PCDHGA11: variants seen among roughly 807,000 people sequenced by gnomAD.
PCDHGA11 encodes protocadherin gamma-A11.
In PCDHGA11, 39 loss-of-function variants were observed where a neutral mutation model predicts 60.4. The observed-to-expected ratio is 0.65, with a 90% confidence interval of 0.50 to 0.84. The LOEUF (loss-of-function observed/expected upper bound fraction) is 0.84, where lower values mean the gene tolerates loss of function less well. PCDHGA11 is among the 40% of genes least tolerant of loss of function. The pLI, the probability that PCDHGA11 is intolerant of heterozygous loss-of-function variation, is 0.00. For missense variants in PCDHGA11, 1,165 were observed against 1,197.7 expected, an observed-to-expected ratio of 0.97 and a Z score of 0.40; for synonymous variants, 533 against 510.3, an observed-to-expected ratio of 1.04 and a Z score of -0.60.
rs1232672788 is a variant in PCDHGA11, at chr5:141,431,315, G to A, written c.2433+7655G>A. The A allele has an allele frequency of 6.2e-7, 1 of 1,614,080 alleles. No individual in the cohort carries two copies. Among genetic ancestry groups the A allele is most frequent in the South Asian group, 1.1e-5 (1 of 91,078 alleles). On this transcript the variant is annotated intron_variant, in intron 1 of 3. Coordinates refer to ENST00000398587, the MANE Select transcript of PCDHGA11 (RefSeq NM_018914.3). The surrounding 1 kb of genome is among the most constrained non-coding windows in gnomAD (Gnocchi z 4.8). ...CTTCTCCCTCATCGTGCAAAATGGAGCCGACGGTAGTAAGTACCCCGAATT... is the reference window on the plus strand; with the variant it reads ...CTTCTCCCTCATCGTGCAAAATGGAACCGACGGTAGTAAGTACCCCGAATT...
At chr5:141,500,877 A>ATT (rs369345007) in intron 2 of PCDHGA11, among the ~76,000 whole-genome samples, 3 of 122,284 alleles carry the variant, frequency 2.5e-5, no homozygotes, top group Admixed American at 2.4e-4. Flanking sequence ...TTCATTTACA[A>ATT]TTTTTTTTTT....
chr5:141,478,851 C>T, intron 1 of PCDHGA11: 1 of 1,374,810 alleles, frequency 7.3e-7, no homozygotes, highest in Non-Finnish European at 9.6e-7. Context: ...AGCTAAAACA[C>T]AAGATCTCAG....
chr5:141,427,547 T>C (rs747558888), intron 1 of PCDHGA11: 1 of 640,310 alleles, frequency 1.6e-6, no homozygotes, highest in South Asian at 1.5e-5. Flanking sequence ...TCACCATCAC[T>C]GCCACTGACA....
At chr5:141,460,666 C>G (rs1245201344) in intron 1 of PCDHGA11, among the ~76,000 whole-genome samples, 1 of 151,670 alleles carries the variant, frequency 6.6e-6, no homozygotes, top group South Asian at 2.1e-4. Context: ...ACTGTAAACA[C>G]AGTTATATAT....
chr5:141,480,407 C>T (rs906445993), intron 1 of PCDHGA11, among the ~76,000 whole-genome samples: 1 of 139,782 alleles, frequency 7.2e-6, no homozygotes, highest in Admixed American at 7.0e-5. Context: ...AGAGTGAGAC[C>T]CTGTCTCAAA....
intron 1 of PCDHGA11, among the ~76,000 whole-genome samples, chr5:141,436,896 A>C (rs567359498): frequency 6.6e-6 from 1 of 152,368 alleles, no homozygotes; most frequent in East Asian, 1.9e-4. Context: ...AAAGATTTTT[A>C]TATGAGACAA....
chr5:141,503,773 C>A (rs961986223), intron 2 of PCDHGA11, among the ~76,000 whole-genome samples: 1 of 152,204 alleles, frequency 6.6e-6, no homozygotes. Context: ...TGTGTCTGTT[C>A]TTAGGCTGAG....
chr5:141,447,433 C>G (rs756021616), intron 1 of PCDHGA11, among the ~76,000 whole-genome samples: 1 of 152,118 alleles, frequency 6.6e-6, no homozygotes. Context: ...CCACCGCACC[C>G]GGAGGAAATT....
In PCDHGA11 at chr5:141,423,091, G is replaced by A. The variant is rs1243671863; in HGVS notation, c.1864G>A (p.Glu622Lys). The A allele has an allele frequency of 6.2e-7, 1 of 1,613,908 alleles. No individual in the cohort carries two copies. The highest frequency in any genetic ancestry group is 8.5e-7 in the Non-Finnish European group (1 of 1,180,016). The change falls in exon 1 of 4, where the codon GAG becomes AAG. Residue 622 changes from glutamate (E) to lysine (K), a missense_variant. Coordinates refer to ENST00000398587, the MANE Select transcript of PCDHGA11 (RefSeq NM_018914.3). ...ASEPGLFAVG[E>K]HTGEVRTARA... is the part of the protein sequence containing the mutation. The stretch of plus-strand genomic sequence containing the variant: ...CGAGCCGGGACTCTTCGCGGTGGGG[G>A]AGCACACGGGCGAGGTGCGTACAGC...
intron 1 of PCDHGA11, among the ~76,000 whole-genome samples, chr5:141,467,087 C>T (rs1159093881): frequency 3.4e-5 from 5 of 147,240 alleles, no homozygotes; most frequent in African/African-American, 1.3e-4. Context: ...AAGTCTCACT[C>T]TGTCACACAG....
intron 3 of PCDHGA11, among the ~76,000 whole-genome samples, chr5:141,507,571 G>A (rs2099861692): frequency 6.6e-6 from 1 of 152,254 alleles, no homozygotes; most frequent in Non-Finnish European, 1.5e-5. Flanking sequence ...TGGGTCTGAG[G>A]AGATGCCAAG....
In PCDHGA11 at chr5:141,421,766, C is replaced by T; in HGVS notation, c.539C>T (p.Ser180Phe). 1.2e-6 allele frequency: 2 copies of T among 1,613,868 alleles called. No individual in the cohort carries two copies. The highest frequency in any genetic ancestry group is 1.1e-5 in the South Asian group (1 of 91,072). Residue 180 changes from serine (S) to phenylalanine (F), a missense_variant, in exon 1 of 4, where the codon TCC (serine) becomes TTC (phenylalanine). Physicochemically the swap from Ser to Phe is radical, Grantham distance 155. Coordinates refer to ENST00000398587, the MANE Select transcript of PCDHGA11 (RefSeq NM_018914.3). ...SYQLSPNNYF[S>F]LQLRGRTDGA... ...CAGCTCAGCCCTAATAATTACTTTT[C>T]CTTGCAACTGCGGGGCAGAACGGAT...
rs117064561 is a variant in PCDHGA11, at chr5:141,470,737, G to T, written c.2434-24070G>T. Among the ~76,000 whole-genome samples the T allele has an allele frequency of 1.9e-3, 295 of 152,132 alleles. 7 individuals carry two copies. In the East Asian group the frequency reaches 0.046, roughly 24 times the overall value. On this transcript the variant is annotated intron_variant, in intron 1 of 3. Coordinates refer to ENST00000398587, the MANE Select transcript of PCDHGA11 (RefSeq NM_018914.3). ...TTTTGAGTCAGGGTCTTGCTCTGTC[G>T]CCCTGGCTGGAGTGCAGTGGACTCA...
intron 1 of PCDHGA11, among the ~76,000 whole-genome samples, chr5:141,474,747 A>AGACAAATAT (rs1447050692): frequency 6.6e-6 from 1 of 152,264 alleles, no homozygotes; most frequent in African/African-American, 2.4e-5. Context: ...GTGATGTCCA[A>AGACAAATAT]GACAAATATA....
At chr5:141,494,999 G>T in intron 2 of PCDHGA11, 134 bp downstream of exon 2, 1 of 1,531,046 alleles carries the variant, frequency 6.5e-7, no homozygotes, top group Non-Finnish European at 8.8e-7. Context: ...GGGAGGTCTT[G>T]GTGTGCGGGG....
chr5:141,444,152 A>ATTTTTTTTT (rs747671382), intron 1 of PCDHGA11, among the ~76,000 whole-genome samples: 2 of 33,898 alleles, frequency 5.9e-5, no homozygotes, highest in Non-Finnish European at 5.2e-5. Context: ...TGTGTACTGG[A>ATTTTTTTTT]TTTTTTTTTT....
rs775081505 is a variant in PCDHGA11 at position 141,486,730 on chromosome 5, T to C, written c.2434-8077T>C. ...ACCCCCAGACAGGAGCTGTTCATGC[T>C]ACTCGATCCTTTGACTATGAGCAAA... On this transcript the variant is annotated intron_variant, in intron 1 of 3. Coordinates refer to ENST00000398587, the MANE Select transcript of PCDHGA11 (RefSeq NM_018914.3). This position sits in a 1 kb window ranked among gnomAD's most constrained non-coding sequence, Gnocchi z 5.0. 1 of 1,614,120 alleles carries C rather than the reference T, an allele frequency of 6.2e-7. No homozygotes were observed. Among genetic ancestry groups the C allele is most frequent in the Non-Finnish European group, 8.5e-7 (1 of 1,180,050 alleles).
In PCDHGA11 at chr5:141,421,972, C is replaced by T. The variant is rs764728654; in HGVS notation, c.745C>T (p.Arg249Cys). Residue 249 changes from arginine (R) to cysteine (C), a missense_variant, in exon 1 of 4, where the codon CGC becomes TGC. Coordinates refer to ENST00000398587, the MANE Select transcript of PCDHGA11 (RefSeq NM_018914.3). ...CCCAATGTTTACACAGTCCGTATAT[C>T]GCGTGAGTGTTCCAGAAAACATCAG... is the stretch of plus-strand genomic sequence containing the variant. ...HIPMFTQSVY[R>C]VSVPENISSG... The T allele has an allele frequency of 1.2e-6, 2 of 1,609,892 alleles. No homozygotes were observed. Among genetic ancestry groups the T allele is most frequent in the African/African-American group, 2.7e-5 (2 of 74,706 alleles).
intron 1 of PCDHGA11, chr5:141,439,900 A>G (rs562278732): frequency 6.6e-5 from 10 of 152,362 alleles, no homozygotes; most frequent in African/African-American, 2.2e-4. Flanking sequence ...CAAGGCGACT[A>G]CTGCCTCCTT....
Sources: allele counts gnomAD v4.1 joint callset (sites outside exome capture counted in the v4.1 genomes callset), GRCh38; gene constraint gnomAD v4.1.1; non-coding constraint Gnocchi (gnomAD v3.1); transcripts MANE v1.5; gene names NCBI Gene and HGNC (gene_info 2026-07-23, HGNC 2026-07-21).